The following MAST4 variants were observed in gnomAD, a reference collection of about 807,000 sequenced individuals.
The protein encoded by MAST4 is microtubule-associated serine/threonine-protein kinase 4.
In MAST4, 89 loss-of-function variants were observed where a neutral mutation model predicts 162.7. The ratio of observed to expected loss-of-function variants is 0.55; its 90% confidence interval spans 0.46 to 0.65. MAST4 has a LOEUF of 0.65. Ranked by LOEUF, MAST4 falls within the 30% of genes least tolerant of loss-of-function variation. The pLI is 0.00. For missense variants in MAST4, 3,153 were observed against 3,374.0 expected (o/e 0.93, Z 1.62); for synonymous variants, 1,479 against 1,361.1 (o/e 1.09, Z -1.91).
intron 3 of MAST4, among the ~76,000 whole-genome samples, chr5:66,884,847 G>A (rs907493733): frequency 1.3e-5 from 2 of 152,218 alleles, no homozygotes; most frequent in African/African-American, 4.8e-5. Flanking sequence ...CTTCTCACTA[G>A]TGGTAATCTC....
chr5:66,832,755 C>T (rs1757703585), intron 3 of MAST4, among the ~76,000 whole-genome samples: 1 of 152,074 alleles, frequency 6.6e-6, no homozygotes, highest in African/African-American at 2.4e-5. Flanking sequence ...AAGACTCTGA[C>T]TGGCTATAGG....
chr5:66,902,671 T>TG, intron 4 of MAST4: 1 of 470,458 alleles, frequency 2.1e-6, no homozygotes, highest in Middle Eastern at 3.2e-4. Flanking sequence ...TGATTGTGAC[T>TG]GGGTAATAGA....
rs1463798485 is a variant in MAST4, at chr5:67,167,529, C to T, written c.*478C>T. 1 of 152,442 alleles carries T rather than the reference C, an allele frequency of 6.6e-6. No individual in the cohort carries two copies. 9.4% of individuals were successfully genotyped at this position (152,442 alleles called of 1,614,324 possible). A position where few individuals can be genotyped will look rare whatever the true frequency, so the allele number is the denominator to read the frequency against. Reference sequence around the variant, plus strand: ...CCATATTCGTGTATATACACATCCACCTACATGTTTTGGTCTGTGGTTTAA... The same window carrying T: ...CCATATTCGTGTATATACACATCCATCTACATGTTTTGGTCTGTGGTTTAA... On this transcript the variant is annotated 3_prime_UTR_variant, in exon 29 of 29. Coordinates refer to ENST00000403625, the MANE Select transcript of MAST4 (RefSeq NM_001164664.2).
rs1468533516 is a variant in MAST4 at position 67,163,489 on chromosome 5, G to A, written c.4310G>A (p.Arg1437Lys). 6.2e-7 allele frequency: 1 copy of A among 1,613,110 alleles called. No individual in the cohort carries two copies. The highest frequency in any genetic ancestry group is 1.7e-5 in the Admixed American group (1 of 59,956). ...IVRPKSAEPP[R>K]SPLLKRVQSE... The stretch of plus-strand genomic sequence containing the variant: ...AGGCCCAAGAGTGCGGAGCCCCCCA[G>A]GTCCCCGCTGCTCAAGCGCGTGCAG... The change falls in exon 29 of 29, where the codon AGG (arginine) becomes AAG (lysine). Residue 1437 changes from arginine to lysine, a missense_variant. Around this residue, in one of 7 missense-constraint regions of MAST4, gnomAD observed 619 missense variants for 744.2 expected, o/e 0.83. Coordinates refer to ENST00000403625, the MANE Select transcript of MAST4 (RefSeq NM_001164664.2). The surrounding 1 kb of genome is among the most constrained non-coding windows in gnomAD (Gnocchi z 7.0).
chr5:67,153,354 G>C, intron 25 of MAST4, 104 bp from the exon 26 acceptor site: 1 of 1,217,500 alleles, frequency 8.2e-7, no homozygotes. Context: ...TCTATTAGAG[G>C]CTTAGGACAT....
At chr5:66,682,656 CT>C (rs1748405768) in intron 1 of MAST4, among the ~76,000 whole-genome samples, 1 of 152,186 alleles carries the variant, frequency 6.6e-6, no homozygotes, top group Admixed American at 6.5e-5. Flanking sequence ...GTATTGTTGC[CT>C]TAGAGAGTGC....
intron 1 of MAST4, among the ~76,000 whole-genome samples, chr5:66,746,948 A>C (rs778639318): frequency 2.6e-5 from 4 of 151,814 alleles, no homozygotes; most frequent in Admixed American, 6.6e-5. Context: ...ATAAAATGAT[A>C]CTAGCTTTAT....
At chr5:66,972,069 G>T (rs1747509278) in intron 4 of MAST4, among the ~76,000 whole-genome samples, 1 of 152,160 alleles carries the variant, frequency 6.6e-6, no homozygotes, top group South Asian at 2.1e-4. Context: ...GGTGGTGTAA[G>T]AATTAACTAG....
chr5:66,860,495 A>G (rs1469013906), intron 3 of MAST4, among the ~76,000 whole-genome samples: 1 of 152,202 alleles, frequency 6.6e-6, no homozygotes, highest in East Asian at 1.9e-4. Context: ...TCCTTTGGGA[A>G]TGCTTCAGGA....
chr5:66,673,684 C>T (rs1353903201), intron 1 of MAST4, among the ~76,000 whole-genome samples: 2 of 151,952 alleles, frequency 1.3e-5, no homozygotes, highest in African/African-American at 4.8e-5. Context: ...TTAATAGAGA[C>T]GAGGTTTCAC....
chr5:66,968,830 T>G (rs1352716940), intron 4 of MAST4, among the ~76,000 whole-genome samples: 1 of 152,212 alleles, frequency 6.6e-6, no homozygotes, highest in Non-Finnish European at 1.5e-5. Context: ...AAAGTCATTG[T>G]TAATTAAAGT....
At position 66,748,763 on chromosome 5, in the gene MAST4, CA is replaced by C. The variant is rs1404394213; in HGVS notation, c.364-10945del. Among the ~76,000 whole-genome samples, 6 of 152,088 alleles carry C rather than the reference CA, an allele frequency of 3.9e-5. No homozygotes were observed. The East Asian group carries it at 1.2e-3, about 30-fold the overall frequency. On this transcript the variant is annotated intron_variant, in intron 1 of 28. Transcript: ENST00000403625. ...TCGGCCTCCCAAAGTGCTGGGATTA[CA>C]GGTGTAAGCCACCATGCCTGGCTGG...
In MAST4 at chr5:66,608,699, G is replaced by T. The variant is rs998990984; in HGVS notation, c.363+11681G>T. The stretch of plus-strand genomic sequence containing the variant: ...CACCCATTCAAATGCTCAGGCTTCT[G>T]TGTGGCTTTTGAAATACTTACATTC... On this transcript the variant is annotated intron_variant, in intron 1 of 28. Transcript: ENST00000403625. Among the ~76,000 whole-genome samples the T allele has an allele frequency of 7.9e-5, 12 of 151,206 alleles. No individual in the cohort carries two copies. In the Admixed American group the frequency reaches 8.0e-4, roughly 10 times the overall value.
At chr5:67,073,382 C>T (rs1253321462) in intron 5 of MAST4, among the ~76,000 whole-genome samples, 1 of 152,164 alleles carries the variant, frequency 6.6e-6, no homozygotes, top group Admixed American at 6.6e-5. Context: ...CAAAAAAAAC[C>T]TAGTCTATAT....
intron 4 of MAST4, among the ~76,000 whole-genome samples, chr5:66,924,258 TC>T (rs1409924629): frequency 6.6e-6 from 1 of 152,186 alleles, no homozygotes; most frequent in African/African-American, 2.4e-5. Context: ...GGGAAGTAAT[TC>T]TAACCTGGAG....
intron 1 of MAST4, among the ~76,000 whole-genome samples, chr5:66,749,506 T>G (rs1411927200): frequency 6.6e-6 from 1 of 152,160 alleles, no homozygotes; most frequent in Non-Finnish European, 1.5e-5. Context: ...ACCAAAACCT[T>G]GGTATGATTG....
intron 1 of MAST4, among the ~76,000 whole-genome samples, chr5:66,644,119 C>G (rs1288212944): frequency 6.6e-6 from 1 of 150,978 alleles, no homozygotes; most frequent in Non-Finnish European, 1.5e-5. Flanking sequence ...GGAGAAAAGT[C>G]CAGTTTGACT....
At chr5:66,692,810 A>G (rs1749134754) in intron 1 of MAST4, among the ~76,000 whole-genome samples, 1 of 152,074 alleles carries the variant, frequency 6.6e-6, no homozygotes, top group Admixed American at 6.6e-5. Context: ...GAGTATATAC[A>G]TACTCAAAGT....
chr5:66,761,895 A>G (rs1349930608), intron 2 of MAST4, among the ~76,000 whole-genome samples: 1 of 152,200 alleles, frequency 6.6e-6, no homozygotes, highest in African/African-American at 2.4e-5. Flanking sequence ...AAGAAAATTA[A>G]ATCTTAAAGG....
Sources: gnomAD v4.1 joint callset for allele counts (sites outside exome capture counted in the v4.1 genomes callset) on GRCh38, gnomAD v4.1.1 for gene constraint, gnomAD v4.1.1 regional missense constraint, Gnocchi (gnomAD v3.1) non-coding constraint, MANE v1.5 for transcripts, NCBI Gene and HGNC (gene_info 2026-07-23, HGNC 2026-07-21) for gene names.